The following CDKL5 variants were observed in gnomAD, a reference collection of about 807,000 sequenced individuals.
The protein encoded by CDKL5 is cyclin-dependent kinase-like 5.
In CDKL5, 8 loss-of-function variants were observed where a neutral mutation model predicts 61.7. The observed-to-expected ratio is 0.13, with a 90% CI of 0.08 to 0.23. The LOEUF is 0.23. CDKL5 is among the 10% of genes least tolerant of loss of function. CDKL5 has a pLI of 1.00. For missense variants in CDKL5, 440 were observed against 734.5 expected, an observed-to-expected ratio of 0.60 and a Z score of 4.63; for synonymous variants, 275 against 272.3, an observed-to-expected ratio of 1.01 and a Z score of -0.10.
intron 3 of CDKL5, among the ~76,000 whole-genome samples, chrX:18,537,639 T>C (rs1010651743): frequency 2.7e-5 from 3 of 112,005 alleles, no homozygotes; most frequent in Non-Finnish European, 5.6e-5. Context: ...TGCTGCCTTT[T>C]TATAGCCACA....
chrX:18,573,230 TGTCTCTTG>T (rs1468358438), intron 4 of CDKL5, among the ~76,000 whole-genome samples: 4 of 111,705 alleles, frequency 3.6e-5, no homozygotes, highest in African/African-American at 1.3e-4. Context: ...TCAGTAGACT[TGTCTCTTG>T]TTAAATTAGT....
At chrX:18,501,000 G>A (rs1416009593) in intron 1 of CDKL5, among the ~76,000 whole-genome samples, 1 of 110,304 alleles carries the variant, frequency 9.1e-6, no homozygotes, top group African/African-American at 3.3e-5. Context: ...CATCACACCC[G>A]GCTAATTTTT....
At chrX:18,443,753 G>T (rs1931806943) in intron 1 of CDKL5, 1 of 111,215 alleles carries the variant, frequency 9.0e-6, no homozygotes, top group Non-Finnish European at 1.9e-5. Context: ...CCCAATTTCT[G>T]TTGTTTCCTT....
intron 3 of CDKL5, among the ~76,000 whole-genome samples, chrX:18,513,354 AC>A (rs1569199468): frequency 8.9e-6 from 1 of 111,787 alleles, no homozygotes; most frequent in African/African-American, 3.2e-5. Context: ...CTCTTAGGAA[AC>A]CAACTCTAAA....
At chrX:18,566,412 T>C (rs1262388407) in intron 4 of CDKL5, among the ~76,000 whole-genome samples, 1 of 113,016 alleles carries the variant, frequency 8.8e-6, no homozygotes, top group Non-Finnish European at 1.9e-5. Flanking sequence ...TGCCTTGGCC[T>C]CCCAAAGTAC....
Position 18,475,217 on chromosome X carries a change from C to A in CDKL5, c.-162-31718C>A, listed in dbSNP as rs866963472. 4.5e-5 allele frequency among the ~76,000 whole-genome samples: 5 copies of A among 111,478 alleles called. No individual in the cohort carries two copies. The Middle Eastern group carries it at 0.014, about 314-fold the overall frequency. ...CACGTGATCCGCCCACCTTGGCCTC[C>A]CAAAGTGCTGGGATTATAGGCGTGA... On this transcript the variant is annotated intron_variant, in intron 1 of 17. Coordinates refer to ENST00000623535, the MANE Select transcript of CDKL5 (RefSeq NM_001323289.2).
intron 3 of CDKL5, among the ~76,000 whole-genome samples, chrX:18,553,480 G>C (rs1871798233): frequency 9.3e-6 from 1 of 107,538 alleles, no homozygotes; most frequent in Non-Finnish European, 1.9e-5. Context: ...GTGTGTGTGT[G>C]TGTGTGTGTG....
At chrX:18,540,917 G>C in intron 3 of CDKL5, among the ~76,000 whole-genome samples, 1 of 111,073 alleles carries the variant, frequency 9.0e-6, no homozygotes, top group South Asian at 3.8e-4. Context: ...TTGATCTCTT[G>C]ACCTCGTGAT....
intron 1 of CDKL5, among the ~76,000 whole-genome samples, chrX:18,452,904 C>T (rs1463315605): frequency 1.1e-5 from 1 of 94,933 alleles, no homozygotes; most frequent in African/African-American, 4.0e-5. Flanking sequence ...AATCTTGGCT[C>T]ACTGCAATCT....
In CDKL5 at chrX:18,632,582, C is replaced by T. The variant is rs1278965680; in HGVS notation, c.*3825C>T. Reference sequence around the variant, plus strand: ...GTCCGTATTGGTGGTTGTGATGTGGCTGTTATAGAAGTATTTGTGCTGTAT... The same window carrying T: ...GTCCGTATTGGTGGTTGTGATGTGGTTGTTATAGAAGTATTTGTGCTGTAT... On this transcript the variant is annotated 3_prime_UTR_variant, in exon 18 of 18. Coordinates refer to ENST00000623535, the MANE Select transcript of CDKL5 (RefSeq NM_001323289.2). 1 of 753,043 alleles carries T rather than the reference C, an allele frequency of 1.3e-6. No homozygotes were observed. The highest frequency in any genetic ancestry group is 1.6e-6 in the Non-Finnish European group (1 of 638,976). 62.1% of individuals were successfully genotyped at this position (753,043 alleles called of 1,213,427 possible). A position where few individuals can be genotyped will look rare whatever the true frequency, so the allele number is the denominator to read the frequency against.
Position 18,504,344 on chromosome X carries a change from G to T in CDKL5, c.-162-2591G>T, listed in dbSNP as rs1027647802. ...TGGTCTCTAATTCCTGGGCTCAAGC[G>T]ATCCTTCTGCCTTGGCTTCCTAAAG... is the stretch of plus-strand genomic sequence containing the variant. On this transcript the variant is annotated intron_variant, in intron 1 of 17. Transcript: ENST00000623535. 8.1e-5 allele frequency among the ~76,000 whole-genome samples: 9 copies of T among 111,169 alleles called. No individual in the cohort carries two copies. The East Asian group carries it at 2.3e-3, about 28-fold the overall frequency.
intron 1 of CDKL5, among the ~76,000 whole-genome samples, chrX:18,487,768 T>C (rs1177669985): frequency 1.8e-5 from 2 of 112,135 alleles, no homozygotes; most frequent in East Asian, 5.7e-4. Context: ...ATACAAAAAT[T>C]AGCTGGGCGT....
intron 16 of CDKL5, among the ~76,000 whole-genome samples, chrX:18,623,638 G>A (rs1926952489): frequency 9.0e-6 from 1 of 110,970 alleles, no homozygotes; most frequent in South Asian, 3.9e-4. Flanking sequence ...ATTCCTACTA[G>A]AGGTATTGAT....
chrX:18,540,800 G>T (rs1923995143), intron 3 of CDKL5, among the ~76,000 whole-genome samples: 1 of 108,390 alleles, frequency 9.2e-6, no homozygotes, highest in African/African-American at 3.4e-5. Flanking sequence ...CGATTCTCCT[G>T]CCTCAGCCTC....
chrX:18,475,783 C>T (rs1921285965), intron 1 of CDKL5, among the ~76,000 whole-genome samples: 1 of 112,029 alleles, frequency 8.9e-6, no homozygotes, highest in South Asian at 3.6e-4. Flanking sequence ...TACTGCTTTT[C>T]TTGGAAAAGA....
intron 3 of CDKL5, among the ~76,000 whole-genome samples, chrX:18,534,296 C>T (rs897694954): frequency 5.4e-5 from 6 of 111,214 alleles, no homozygotes; most frequent in African/African-American, 1.3e-4. Context: ...CTTCTTGGCA[C>T]TTAATTAAAT....
intron 4 of CDKL5, among the ~76,000 whole-genome samples, chrX:18,565,379 G>C (rs1924935376): frequency 1.8e-5 from 2 of 112,027 alleles, no homozygotes; most frequent in South Asian, 3.7e-4. Context: ...TGAATGTGAA[G>C]CTCTCTACTT....
At chrX:18,505,210 C>CT (rs1222276662) in intron 1 of CDKL5, among the ~76,000 whole-genome samples, 1 of 111,212 alleles carries the variant, frequency 9.0e-6, no homozygotes, top group African/African-American at 3.3e-5. Flanking sequence ...TTCTTTCTGT[C>CT]TTTTTTCTCT....
rs1336074869 is a variant in CDKL5, at chrX:18,482,273, T to C, written c.-162-24662T>C. 4.5e-5 allele frequency among the ~76,000 whole-genome samples: 5 copies of C among 111,886 alleles called. 1 individual carries two copies. The highest frequency in any genetic ancestry group is 7.5e-5 in the Non-Finnish European group (4 of 53,238). ...GTGCTTTTCTTTGGTTTAATTTTGT[T>C]GGAATAAAGTATTACTTATGGAAAC... On this transcript the variant is annotated intron_variant, in intron 1 of 17. Transcript: ENST00000623535.
Sources: allele counts gnomAD v4.1 joint callset (sites outside exome capture counted in the v4.1 genomes callset), GRCh38; gene constraint gnomAD v4.1.1; transcripts MANE v1.5; gene names NCBI Gene and HGNC (gene_info 2026-07-23, HGNC 2026-07-21).